DNAI7: variants seen among roughly 807,000 people sequenced by gnomAD.
DNAI7 encodes dynein axonemal intermediate chain 7.
DNAI7 carries 78 observed loss-of-function variants against 86.6 expected under a neutral mutation model. The observed-to-expected ratio is 0.90, with a 90% CI of 0.75 to 1.09. The LOEUF (loss-of-function observed/expected upper bound fraction) is 1.09, where lower values mean the gene tolerates loss of function less well. DNAI7 is among the 50% of genes least tolerant of loss of function. DNAI7 has a pLI of 0.00. For synonymous variants in DNAI7, 274 were observed against 273.0 expected (o/e 1.00, Z -0.04); for missense variants, 753 against 810.2 (o/e 0.93, Z 0.86).
At chr12:25,164,387 G>T (rs1369882690) in intron 2 of DNAI7, among the ~76,000 whole-genome samples, 5 of 151,706 alleles carry the variant, frequency 3.3e-5, no homozygotes, top group Non-Finnish European at 7.4e-5. Flanking sequence ...CTCTGGGCTT[G>T]CCTCCTTCAC....
intron 4 of DNAI7, among the ~76,000 whole-genome samples, chr12:25,155,910 G>C (rs898584553): frequency 6.6e-5 from 10 of 152,184 alleles, no homozygotes; most frequent in African/African-American, 2.2e-4. Flanking sequence ...AGGAGTTCGA[G>C]ACCAGCCAAC....
intron 2 of DNAI7, among the ~76,000 whole-genome samples, chr12:25,180,134 A>T (rs908323533): frequency 6.6e-6 from 1 of 152,216 alleles, no homozygotes; most frequent in African/African-American, 2.4e-5. Context: ...ATTTCTACAC[A>T]CCAACAACGT....
intron 2 of DNAI7, among the ~76,000 whole-genome samples, chr12:25,173,164 C>A (rs1050773380): frequency 6.6e-6 from 1 of 152,078 alleles, no homozygotes; most frequent in Admixed American, 6.5e-5. Flanking sequence ...AACAGACAAC[C>A]CACAACGTGA....
chr12:25,172,531 A>T (rs1416002398), intron 2 of DNAI7, among the ~76,000 whole-genome samples: 1 of 152,164 alleles, frequency 6.6e-6, no homozygotes, highest in Non-Finnish European at 1.5e-5. Flanking sequence ...TACTGCCAAA[A>T]GCAATCTACA....
downstream of DNAI7, among the ~76,000 whole-genome samples, chr12:25,107,380 C>T (rs1565597618): frequency 6.6e-6 from 1 of 152,070 alleles, no homozygotes; most frequent in East Asian, 1.9e-4. Flanking sequence ...GGGTTTAGTA[C>T]TATTTTCAGC....
intron 2 of DNAI7, among the ~76,000 whole-genome samples, chr12:25,167,560 C>T (rs1947626776): frequency 6.6e-6 from 1 of 152,104 alleles, no homozygotes. Context: ...GTTTCTAATC[C>T]CTCCTTAGCG....
intron 8 of DNAI7, among the ~76,000 whole-genome samples, chr12:25,146,584 A>G (rs1318057939): frequency 2.8e-5 from 4 of 141,146 alleles, no homozygotes; most frequent in African/African-American, 9.9e-5. Flanking sequence ...TGGACGACAG[A>G]GCAAGACTGT....
At chr12:25,139,070 T>C (rs969860355) in intron 9 of DNAI7, among the ~76,000 whole-genome samples, 1 of 152,084 alleles carries the variant, frequency 6.6e-6, no homozygotes, top group Non-Finnish European at 1.5e-5. Context: ...TCAAGGCTAC[T>C]ATGAACACCT....
At chr12:25,149,589 C>A in intron 7 of DNAI7, 39 bp downstream of exon 7, 1 of 1,415,412 alleles carries the variant, frequency 7.1e-7, no homozygotes, top group Non-Finnish European at 9.8e-7. Context: ...AATGTTAGCT[C>A]TTATAAAACT....
chr12:25,138,060 C>T (rs773774725), intron 9 of DNAI7, among the ~76,000 whole-genome samples: 1 of 151,648 alleles, frequency 6.6e-6, no homozygotes, highest in African/African-American at 2.4e-5. Context: ...CAGATATTTA[C>T]ACAACACTCT....
At chr12:25,185,363 T>C (rs1037816540) in intron 2 of DNAI7, among the ~76,000 whole-genome samples, 5 of 152,188 alleles carry the variant, frequency 3.3e-5, no homozygotes, top group African/African-American at 1.2e-4. Context: ...CTCAAATTAA[T>C]GAAATCAGAA....
intron 1 of DNAI7, chr12:25,192,918 T>C (rs1011653628): frequency 1.6e-4 from 24 of 147,140 alleles, no homozygotes; most frequent in Admixed American, 1.6e-3. Flanking sequence ...GAGGTCAAAG[T>C]GGGAGAATCA....
chr12:25,150,011 G>A (rs571571687), intron 6 of DNAI7, among the ~76,000 whole-genome samples: 5 of 152,154 alleles, frequency 3.3e-5, no homozygotes, highest in South Asian at 2.1e-4. Context: ...AGTGTTAGAC[G>A]TTCAGAAATG....
At chr12:25,136,049 A>G (rs1012135000) in intron 9 of DNAI7, among the ~76,000 whole-genome samples, 1 of 152,150 alleles carries the variant, frequency 6.6e-6, no homozygotes, top group Admixed American at 6.5e-5. Flanking sequence ...ACCGCAGCTG[A>G]TGCCCTCTTG....
intron 9 of DNAI7, among the ~76,000 whole-genome samples, chr12:25,124,877 G>C (rs1941890986): frequency 6.6e-6 from 1 of 152,096 alleles, no homozygotes. Context: ...GTAGCATTTG[G>C]TTTTATGTTC....
intron 9 of DNAI7, among the ~76,000 whole-genome samples, chr12:25,124,867 G>A (rs969763661): frequency 1.3e-5 from 2 of 152,174 alleles, no homozygotes; most frequent in African/African-American, 4.8e-5. Context: ...GTGAGAATAT[G>A]TAGCATTTGG....
At chr12:25,181,306 G>A (rs1218609471) in intron 2 of DNAI7, among the ~76,000 whole-genome samples, 1 of 151,792 alleles carries the variant, frequency 6.6e-6, no homozygotes, top group Non-Finnish European at 1.5e-5. Flanking sequence ...TGCAGAGGTG[G>A]GGGGGTCTCA....
chr12:25,192,880 G>GCTTA (rs1324767375), intron 1 of DNAI7: 2 of 150,672 alleles, frequency 1.3e-5, no homozygotes, highest in African/African-American at 4.9e-5. Context: ...GGGTGCACTG[G>GCTTA]CTTACTCCTG....
At chr12:25,130,798 G>A (rs1052157739) in intron 9 of DNAI7, among the ~76,000 whole-genome samples, 1 of 151,968 alleles carries the variant, frequency 6.6e-6, no homozygotes, top group East Asian at 1.9e-4. Context: ...GCATGATATA[G>A]TAATTGGGAA....
Sources: allele counts gnomAD v4.1 joint callset (sites outside exome capture counted in the v4.1 genomes callset), GRCh38; gene constraint gnomAD v4.1.1; transcripts MANE v1.5; gene names NCBI Gene and HGNC (gene_info 2026-07-23, HGNC 2026-07-21).